Variants in ITGA8 observed in about 807,000 individuals in gnomAD.
ITGA8 encodes the protein integrin alpha-8.
Under a neutral mutation model 142.3 loss-of-function variants are expected in ITGA8, and 91 were observed. That is an observed-to-expected ratio of 0.64 (90% CI 0.54 to 0.76). The LOEUF is 0.76. ITGA8 is among the 30% of genes least tolerant of loss of function. The probability of loss-of-function intolerance (pLI) is 0.00; values close to 1 mark genes in which losing one functional copy is unlikely to be tolerated. For synonymous variants in ITGA8, 505 were observed against 485.2 expected (o/e 1.04, Z -0.54); for missense variants, 1,406 against 1,327.7 (o/e 1.06, Z -0.92).
At chr10:15,552,461 A>G (rs1305726595) in intron 26 of ITGA8, among the ~76,000 whole-genome samples, 1 of 152,202 alleles carries the variant, frequency 6.6e-6, no homozygotes, top group African/African-American at 2.4e-5. Context: ...TCAAATCATT[A>G]ATACTGCATA....
rs189631483 is a variant in ITGA8 at position 15,557,587 on chromosome 10, A to G, written c.2766+487T>C. Among the ~76,000 whole-genome samples, 19 of 152,242 alleles carry G rather than the reference A, an allele frequency of 1.2e-4. No individual in the cohort carries two copies. In the East Asian group the frequency reaches 3.1e-3, roughly 25 times the overall value. ...AGGCTGGTCCCAAACCCTTGGCCTC[A>G]AGGGATCCTCCCACCTTGGCCTCCC... On this transcript the variant is annotated intron_variant, in intron 26 of 29. Transcript: ENST00000378076.
At chr10:15,680,871 A>C in intron 4 of ITGA8, among the ~76,000 whole-genome samples, 1 of 151,972 alleles carries the variant, frequency 6.6e-6, no homozygotes, top group South Asian at 2.1e-4. Flanking sequence ...TTTCCATTGC[A>C]AAGTCTTTTT....
chr10:15,689,832 A>C (rs1215078935), intron 2 of ITGA8, among the ~76,000 whole-genome samples: 1 of 152,064 alleles, frequency 6.6e-6, no homozygotes, highest in East Asian at 1.9e-4. Context: ...TGCCCATCCC[A>C]GTTGCCACTG....
chr10:15,617,411 T>TC (rs397976961), intron 13 of ITGA8, among the ~76,000 whole-genome samples: 1 of 151,712 alleles, frequency 6.6e-6, no homozygotes, highest in Non-Finnish European at 1.5e-5. Context: ...TTTTTTTTTT[T>TC]CTTTTTTGAC....
intron 25 of ITGA8, among the ~76,000 whole-genome samples, chr10:15,563,810 A>T (rs1834026129): frequency 6.6e-6 from 1 of 152,018 alleles, no homozygotes; most frequent in Non-Finnish European, 1.5e-5. Context: ...CCAGCTACTC[A>T]GGATGCTGAG....
intron 8 of ITGA8, among the ~76,000 whole-genome samples, chr10:15,670,720 T>C (rs971707355): frequency 2.0e-5 from 3 of 152,224 alleles, no homozygotes; most frequent in Admixed American, 6.5e-5. Flanking sequence ...GATTGCATTA[T>C]ATTTACTCCT....
chr10:15,607,949 C>T, intron 16 of ITGA8, 118 bp from the exon 17 acceptor site: 2 of 844,750 alleles, frequency 2.4e-6, no homozygotes, highest in Non-Finnish European at 3.7e-6. Context: ...ATAGTTGAGA[C>T]CAAGCATGAT....
chr10:15,593,865 A>G (rs139317808), intron 21 of ITGA8, among the ~76,000 whole-genome samples: 3,313 of 140,404 alleles, frequency 0.024, 73 homozygotes, highest in East Asian at 0.063. Context: ...TTTTTGAGAC[A>G]GAGTCTTGCT....
At chr10:15,608,191 T>C in intron 16 of ITGA8, 44 bp downstream of exon 16, 1 of 1,380,602 alleles carries the variant, frequency 7.2e-7, no homozygotes, top group South Asian at 1.2e-5. Flanking sequence ...ACTGTTCAAC[T>C]TTCTTAGTAT....
At chr10:15,652,798 A>T (rs1177441785) in intron 11 of ITGA8, among the ~76,000 whole-genome samples, 1 of 152,138 alleles carries the variant, frequency 6.6e-6, no homozygotes, top group Non-Finnish European at 1.5e-5. Context: ...GCTCATACAG[A>T]GTCATTCCAC....
intron 12 of ITGA8, among the ~76,000 whole-genome samples, chr10:15,644,454 A>G (rs1414721173): frequency 1.8e-4 from 1 of 5,462 alleles, no homozygotes; most frequent in Non-Finnish European, 9.2e-4. Context: ...ATATATATAT[A>G]TATATATATA....
intron 2 of ITGA8, among the ~76,000 whole-genome samples, chr10:15,710,884 T>G (rs1835351307): frequency 6.6e-6 from 1 of 152,148 alleles, no homozygotes; most frequent in South Asian, 2.1e-4. Context: ...TGTGTGCCCT[T>G]CTCTCTCGTG....
intron 27 of ITGA8, among the ~76,000 whole-genome samples, chr10:15,535,085 G>A (rs537933022): frequency 6.0e-4 from 92 of 152,274 alleles, no homozygotes; most frequent in South Asian, 4.1e-4. Flanking sequence ...CCGGGCCAGC[G>A]GCTGCGGTAG....
At chr10:15,624,466 T>A (rs1000991678) in intron 13 of ITGA8, among the ~76,000 whole-genome samples, 4 of 152,354 alleles carry the variant, frequency 2.6e-5, no homozygotes, top group Admixed American at 6.5e-5. Flanking sequence ...TCTGCTTTGC[T>A]TTTGGACTCA....
chr10:15,695,666 A>G (rs139161256), intron 2 of ITGA8, among the ~76,000 whole-genome samples: 78 of 152,312 alleles, frequency 5.1e-4, no homozygotes, highest in African/African-American at 1.7e-3. Context: ...TCTTCTCTTT[A>G]TGGCAAGGAC....
intron 2 of ITGA8, among the ~76,000 whole-genome samples, chr10:15,689,254 C>T (rs1370475877): frequency 6.6e-6 from 1 of 152,164 alleles, no homozygotes; most frequent in Non-Finnish European, 1.5e-5. Context: ...AACACTTGCT[C>T]CCTTACAAAA....
intron 26 of ITGA8, among the ~76,000 whole-genome samples, chr10:15,554,720 TTTCTTTC>T (rs1182934926): frequency 6.2e-5 from 3 of 48,652 alleles, no homozygotes. Context: ...TTGCAAATCC[TTTCTTTC>T]TTTCTTTCTT....
chr10:15,687,704 A>G (rs1468685926), intron 3 of ITGA8, among the ~76,000 whole-genome samples: 1 of 152,188 alleles, frequency 6.6e-6, no homozygotes, highest in African/African-American at 2.4e-5. Flanking sequence ...TTTTTGAAAT[A>G]TTTGAAAATA....
At chr10:15,675,001 C>T (rs918756963) in intron 6 of ITGA8, among the ~76,000 whole-genome samples, 3 of 151,884 alleles carry the variant, frequency 2.0e-5, no homozygotes, top group African/African-American at 7.3e-5. Context: ...TAAACATGAT[C>T]AAGTTTCTTC....
Sources: allele counts gnomAD v4.1 joint callset (sites outside exome capture counted in the v4.1 genomes callset), GRCh38; gene constraint gnomAD v4.1.1; transcripts MANE v1.5; gene names NCBI Gene and HGNC (gene_info 2026-07-23, HGNC 2026-07-21).